NRXN3: variants seen among roughly 807,000 people sequenced by gnomAD.
NRXN3 encodes the protein neurexin III.
A neutral mutation model predicts 137.6 loss-of-function variants in NRXN3; 32 were observed. The ratio of observed to expected loss-of-function variants is 0.23; its 90% CI spans 0.18 to 0.31. The LOEUF (loss-of-function observed/expected upper bound fraction) is 0.31. Among genes scored for constraint, NRXN3 ranks in the 10% least tolerant of loss-of-function variants. NRXN3 has a pLI of 1.00. For synonymous variants in NRXN3, 798 were observed against 784.5 expected (o/e 1.02, Z -0.29); for missense variants, 1,574 against 2,062.5 (o/e 0.76, Z 4.59).
chr14:79,692,120 A>G, intron 17 of NRXN3, 53 bp from the exon 18 acceptor site: 2 of 1,370,394 alleles, frequency 1.5e-6, no homozygotes, highest in Non-Finnish European at 2.0e-6. Flanking sequence ...ATGTTTTTTA[A>G]TGACTTATTG....
intron 16 of NRXN3, among the ~76,000 whole-genome samples, chr14:79,602,371 A>G (rs545948669): frequency 6.6e-6 from 1 of 152,312 alleles, no homozygotes; most frequent in East Asian, 1.9e-4. Context: ...GTTTCTTTCC[A>G]TCTCAGTTAC....
chr14:78,480,838 A>T (rs1188210173), intron 4 of NRXN3, among the ~76,000 whole-genome samples: 1 of 152,186 alleles, frequency 6.6e-6, no homozygotes, highest in Admixed American at 6.5e-5. Flanking sequence ...CATTTAGCTA[A>T]GTATTCTTCC....
At chr14:79,144,169 G>A (rs1368423746) in intron 15 of NRXN3, among the ~76,000 whole-genome samples, 2 of 152,126 alleles carry the variant, frequency 1.3e-5, no homozygotes, top group African/African-American at 4.8e-5. Flanking sequence ...ATCTAGCCCT[G>A]ATAATACGTA....
chr14:78,187,992 G>C (rs2060384810), intron 1 of NRXN3, among the ~76,000 whole-genome samples: 1 of 152,042 alleles, frequency 6.6e-6, no homozygotes. Flanking sequence ...TCTAAAATGA[G>C]TATTCGGTAA....
chr14:78,933,293 A>G (rs2099327292), intron 10 of NRXN3, among the ~76,000 whole-genome samples: 1 of 152,220 alleles, frequency 6.6e-6, no homozygotes, highest in South Asian at 2.1e-4. Flanking sequence ...CTCTTCCCTT[A>G]TGGTTATTGT....
chr14:79,030,777 T>C (rs151124278), intron 15 of NRXN3, among the ~76,000 whole-genome samples: 218 of 151,848 alleles, frequency 1.4e-3, no homozygotes, highest in Non-Finnish European at 2.4e-3. Flanking sequence ...CTATTATCAA[T>C]ATCTTACTAC....
intron 4 of NRXN3, among the ~76,000 whole-genome samples, chr14:78,347,191 G>A (rs911132054): frequency 1.3e-5 from 2 of 152,212 alleles, no homozygotes; most frequent in East Asian, 3.9e-4. Context: ...AGCTTCTGTA[G>A]CAGGCAATGT....
At chr14:79,113,650 T>A (rs936581195) in intron 15 of NRXN3, among the ~76,000 whole-genome samples, 2 of 152,222 alleles carry the variant, frequency 1.3e-5, no homozygotes, top group Non-Finnish European at 2.9e-5. Flanking sequence ...GTTTGGTTTT[T>A]TCCCCCTATG....
intron 6 of NRXN3, among the ~76,000 whole-genome samples, chr14:78,701,647 C>G (rs184058196): frequency 6.6e-6 from 1 of 152,332 alleles, no homozygotes. Flanking sequence ...GTGGCCCCAT[C>G]TGGTGAAATC....
At chr14:79,520,932 A>T (rs2097058234) in intron 16 of NRXN3, among the ~76,000 whole-genome samples, 1 of 152,208 alleles carries the variant, frequency 6.6e-6, no homozygotes, top group Non-Finnish European at 1.5e-5. Context: ...TACCCAAAGG[A>T]TTATAAATTA....
intron 4 of NRXN3, among the ~76,000 whole-genome samples, chr14:78,299,445 T>TAA (rs1205510275): frequency 2.6e-5 from 4 of 152,110 alleles, no homozygotes; most frequent in African/African-American, 4.8e-5. Flanking sequence ...AGCAGACTCT[T>TAA]AGAGTCCCAA....
chr14:79,085,224 A>T (rs905030184), intron 15 of NRXN3, among the ~76,000 whole-genome samples: 2 of 152,184 alleles, frequency 1.3e-5, no homozygotes, highest in Non-Finnish European at 2.9e-5. Flanking sequence ...TAAATTAAAT[A>T]CATTTATATG....
chr14:78,665,411 T>C (rs908801753), intron 6 of NRXN3, among the ~76,000 whole-genome samples: 1 of 152,108 alleles, frequency 6.6e-6, no homozygotes, highest in African/African-American at 2.4e-5. Context: ...TATAAAACCA[T>C]CAGATCTTGT....
At chr14:79,342,683 T>C (rs1359650296) in intron 15 of NRXN3, among the ~76,000 whole-genome samples, 1 of 152,208 alleles carries the variant, frequency 6.6e-6, no homozygotes, top group East Asian at 1.9e-4. Context: ...TTTCTGTAAC[T>C]GTATTAGTTA....
intron 4 of NRXN3, among the ~76,000 whole-genome samples, chr14:78,538,137 A>G (rs1214784484): frequency 6.6e-6 from 1 of 152,100 alleles, no homozygotes; most frequent in African/African-American, 2.4e-5. Context: ...TTTTTTTCCA[A>G]TTCTGTGAAG....
intron 16 of NRXN3, among the ~76,000 whole-genome samples, chr14:79,620,338 C>G (rs1202122584): frequency 6.6e-6 from 1 of 152,080 alleles, no homozygotes; most frequent in Admixed American, 6.6e-5. Flanking sequence ...ATTTTGATGT[C>G]AAGTACTTGT....
intron 10 of NRXN3, among the ~76,000 whole-genome samples, chr14:78,877,780 A>T (rs1038852954): frequency 3.9e-5 from 6 of 152,242 alleles, no homozygotes; most frequent in Non-Finnish European, 7.4e-5. Context: ...ATTAAAAATG[A>T]ACTCATCCTT....
At chr14:78,626,346 C>A (rs1378464784) in intron 4 of NRXN3, among the ~76,000 whole-genome samples, 1 of 152,122 alleles carries the variant, frequency 6.6e-6, no homozygotes, top group African/African-American at 2.4e-5. Flanking sequence ...ACAGGGAGAG[C>A]AAAATGAAAT....
chr14:79,520,061 T>G (rs1056782225), intron 16 of NRXN3, among the ~76,000 whole-genome samples: 7 of 152,052 alleles, frequency 4.6e-5, no homozygotes, highest in Non-Finnish European at 1.0e-4. Context: ...TTGAATGTTA[T>G]TTTTATTTCA....
Sources: allele counts gnomAD v4.1 joint callset (sites outside exome capture counted in the v4.1 genomes callset), GRCh38; gene constraint gnomAD v4.1.1; transcripts MANE v1.5; gene names NCBI Gene and HGNC (gene_info 2026-07-23, HGNC 2026-07-21).